Variants in IL1RAPL1 observed in about 807,000 individuals in gnomAD.
The protein encoded by IL1RAPL1 is interleukin-1 receptor accessory protein-like 1.
IL1RAPL1 carries 3 observed loss-of-function variants against 48.4 expected under a neutral mutation model. The ratio of observed to expected loss-of-function variants is 0.06; its 90% CI spans 0.03 to 0.16. The LOEUF is 0.16. IL1RAPL1 is among the 10% of genes least tolerant of loss of function. The pLI is 1.00. For synonymous variants in IL1RAPL1, 185 were observed against 187.7 expected (o/e 0.99, Z 0.12); for missense variants, 349 against 530.6 (o/e 0.66, Z 3.36).
rs60539139 is a variant in IL1RAPL1, at chrX:29,230,504, C to CAAAAAAAAAAAAAAAAAAAAA, written c.83-52423_83-52403dup. 1.0e-3 allele frequency among the ~76,000 whole-genome samples: 17 copies of CAAAAAAAAAAAAAAAAAAAAA among 16,591 alleles called. 5 individuals are homozygous for CAAAAAAAAAAAAAAAAAAAAA. The highest frequency in any genetic ancestry group is 4.0e-3 in the African/African-American group (14 of 3,486). The allele number at this position is 16,591 out of a possible 115,157, so 14.4% of individuals were successfully genotyped here. ...TGCTCTATCATTATGGTCCCTTTAC[C>CAAAAAAAAAAAAAAAAAAAAA]AAAAAAAAAAAAAAAAAAAAAAAAA... On this transcript the variant is annotated intron_variant, in intron 2 of 10. Transcript: ENST00000378993.
At chrX:29,851,719 G>A (rs998876294) in intron 6 of IL1RAPL1, among the ~76,000 whole-genome samples, 1 of 111,262 alleles carries the variant, frequency 9.0e-6, no homozygotes, top group Admixed American at 9.6e-5. Flanking sequence ...ACCTGGGGGA[G>A]CTGTAGGTCC....
intron 1 of IL1RAPL1, among the ~76,000 whole-genome samples, chrX:28,665,094 G>A (rs1934861665): frequency 9.0e-6 from 1 of 111,570 alleles, no homozygotes; most frequent in Admixed American, 9.5e-5. Flanking sequence ...GTGTACTCCG[G>A]TAAAGCACAG....
At chrX:29,069,469 AG>A (rs765190561) in intron 2 of IL1RAPL1, among the ~76,000 whole-genome samples, 1 of 111,119 alleles carries the variant, frequency 9.0e-6, no homozygotes, top group South Asian at 3.8e-4. Context: ...TTGATTTGGT[AG>A]TTGAGATTTA....
intron 6 of IL1RAPL1, among the ~76,000 whole-genome samples, chrX:29,749,841 T>C (rs1279172464): frequency 1.8e-5 from 2 of 112,258 alleles, no homozygotes; most frequent in East Asian, 2.8e-4. Context: ...GAATAGTGAG[T>C]GTTCCTTCTA....
chrX:28,996,074 C>G (rs919120497), intron 2 of IL1RAPL1, among the ~76,000 whole-genome samples: 3 of 111,301 alleles, frequency 2.7e-5, no homozygotes, highest in African/African-American at 9.8e-5. Flanking sequence ...AAAAAGAAAC[C>G]CCATGCCCAT....
At chrX:29,298,021 A>G (rs1415990540) in intron 3 of IL1RAPL1, among the ~76,000 whole-genome samples, 2 of 112,370 alleles carry the variant, frequency 1.8e-5, no homozygotes, top group African/African-American at 6.5e-5. Flanking sequence ...AATTTACATT[A>G]AAACAAGACT....
At chrX:29,552,738 C>A (rs745560607) in intron 5 of IL1RAPL1, among the ~76,000 whole-genome samples, 1 of 106,415 alleles carries the variant, frequency 9.4e-6, no homozygotes, top group Admixed American at 1.0e-4. Context: ...TAATTAAATA[C>A]CTTAGCAAAT....
Position 29,955,872 on chromosome X carries a change from C to A in IL1RAPL1, c.*52C>A. 1 of 961,264 alleles carries A rather than the reference C, an allele frequency of 1.0e-6. No homozygotes were observed. Among genetic ancestry groups the A allele is most frequent in the Non-Finnish European group, 1.5e-6 (1 of 669,389 alleles). The allele number at this position is 961,264 out of a possible 1,213,427, so 79.2% of individuals were successfully genotyped here. A position where few individuals can be genotyped will look rare whatever the true frequency, so the allele number is the denominator to read the frequency against. ...TGGGAGGTTGAGTGGAATCTGCAGT[C>A]CAGTGCCTGGAACTAAATCCTCGAC... is the stretch of plus-strand genomic sequence containing the variant. On this transcript the variant is annotated 3_prime_UTR_variant, in exon 11 of 11. Coordinates refer to ENST00000378993, the MANE Select transcript of IL1RAPL1 (RefSeq NM_014271.4).
chrX:28,957,803 A>G (rs1924655806), intron 2 of IL1RAPL1, among the ~76,000 whole-genome samples: 1 of 108,911 alleles, frequency 9.2e-6, no homozygotes, highest in Non-Finnish European at 1.9e-5. Context: ...CTACTAAAAT[A>G]TAAAAATTAG....
At chrX:29,897,255 C>T (rs893810002) in intron 6 of IL1RAPL1, among the ~76,000 whole-genome samples, 8 of 112,350 alleles carry the variant, frequency 7.1e-5, no homozygotes, top group Non-Finnish European at 1.3e-4. Flanking sequence ...TTCAATTTGC[C>T]TCTCTACTAC....
At chrX:29,251,292 C>T (rs1036404282) in intron 2 of IL1RAPL1, among the ~76,000 whole-genome samples, 4 of 100,684 alleles carry the variant, frequency 4.0e-5, no homozygotes, top group South Asian at 4.6e-4. Flanking sequence ...GAGTGTATTT[C>T]GTGTTTAAGG....
At chrX:28,591,852 AAAAT>A (rs1479983697) in intron 1 of IL1RAPL1, among the ~76,000 whole-genome samples, 1 of 111,658 alleles carries the variant, frequency 9.0e-6, no homozygotes, top group Non-Finnish European at 1.9e-5. Context: ...ATTTTTTAAA[AAAAT>A]AAATAGTTGC....
At chrX:29,823,159 AAAGGTCCTTCCTGAAGATT>A (rs1297169709) in intron 6 of IL1RAPL1, among the ~76,000 whole-genome samples, 18 of 111,820 alleles carry the variant, frequency 1.6e-4, no homozygotes, top group African/African-American at 5.5e-4. Flanking sequence ...TGATAAGATT[AAAGGTCCTTCCTGAAGATT>A]AATCTAGCCG....
chrX:29,862,413 G>A (rs1469539851), intron 6 of IL1RAPL1, among the ~76,000 whole-genome samples: 3 of 111,280 alleles, frequency 2.7e-5, no homozygotes, highest in African/African-American at 9.8e-5. Flanking sequence ...TTATAAAAAC[G>A]TGACGGATGA....
chrX:29,230,522 A>AAAAACAAC (rs1555978820), intron 2 of IL1RAPL1, among the ~76,000 whole-genome samples: 6 of 90,826 alleles, frequency 6.6e-5, no homozygotes, highest in Admixed American at 1.3e-4. Context: ...AAAAAAAAAA[A>AAAAACAAC]AAAAAAAAAA....
intron 2 of IL1RAPL1, among the ~76,000 whole-genome samples, chrX:28,853,062 A>T (rs1921705972): frequency 1.8e-5 from 2 of 111,392 alleles, no homozygotes; most frequent in Admixed American, 1.9e-4. Context: ...CTACCATTAA[A>T]AATAGAGGCA....
intron 5 of IL1RAPL1, among the ~76,000 whole-genome samples, chrX:29,477,737 T>C (rs1602254556): frequency 8.9e-6 from 1 of 112,266 alleles, no homozygotes; most frequent in African/African-American, 3.2e-5. Context: ...GTCAATAAGC[T>C]GGTAAGCAGA....
At chrX:29,213,529 G>A (rs1930811740) in intron 2 of IL1RAPL1, among the ~76,000 whole-genome samples, 1 of 112,545 alleles carries the variant, frequency 8.9e-6, no homozygotes, top group Admixed American at 9.4e-5. Context: ...CCAAAGAAAA[G>A]CTAGAGTTTT....
chrX:29,261,805 C>G lies in IL1RAPL1; in HGVS notation c.83-21133C>G, dbSNP rs139730257. Among the ~76,000 whole-genome samples the G allele has an allele frequency of 3.9e-3, 428 of 111,023 alleles. 1 individual carries two copies. Among genetic ancestry groups the G allele is most frequent in the African/African-American group, 0.014 (420 of 30,524 alleles). The stretch of plus-strand genomic sequence containing the variant: ...GGTCAATTTTAATGTTCCATTTGCA[C>G]AGAGGCCTTCCTAGATGACCTCAAT... On this transcript the variant is annotated intron_variant, in intron 2 of 10. Transcript: ENST00000378993.
Sources: gnomAD v4.1 joint callset for allele counts (sites outside exome capture counted in the v4.1 genomes callset) on GRCh38, gnomAD v4.1.1 for gene constraint, MANE v1.5 for transcripts, NCBI Gene and HGNC (gene_info 2026-07-23, HGNC 2026-07-21) for gene names.